The following PHKB variants were observed in gnomAD, a reference collection of about 807,000 sequenced individuals.
PHKB encodes the protein phosphorylase b kinase regulatory subunit beta.
In PHKB, 122 loss-of-function variants were observed where a neutral mutation model predicts 152.1. That is an observed-to-expected ratio of 0.80 (90% confidence interval 0.69 to 0.93). PHKB has a LOEUF of 0.93. PHKB is among the 40% of genes least tolerant of loss of function. The pLI, the probability that PHKB is intolerant of heterozygous loss-of-function variation, is 0.00. For synonymous variants in PHKB, 436 were observed against 464.9 expected (o/e 0.94, Z 0.80); for missense variants, 1,304 against 1,328.4 (o/e 0.98, Z 0.29).
chr16:47,635,269 ATGTT>A (rs2151723208), intron 14 of PHKB, among the ~76,000 whole-genome samples: 1 of 152,240 alleles, frequency 6.6e-6, no homozygotes, highest in Non-Finnish European at 1.5e-5. Flanking sequence ...TAGCTGTATG[ATGTT>A]GGATAAGTTT....
At chr16:47,582,957 C>G (rs1017950013) in intron 8 of PHKB, among the ~76,000 whole-genome samples, 4 of 152,062 alleles carry the variant, frequency 2.6e-5, no homozygotes, top group Non-Finnish European at 5.9e-5. Context: ...CCACCACACC[C>G]GACTAATTTT....
At chr16:47,648,792 A>G (rs1973181409) in intron 17 of PHKB, among the ~76,000 whole-genome samples, 176 bp downstream of exon 17, 1 of 152,208 alleles carries the variant, frequency 6.6e-6, no homozygotes, top group Non-Finnish European at 1.5e-5. Flanking sequence ...TGGAAGTCTT[A>G]TAAATATGAA....
rs769639023 is a variant in PHKB, at chr16:47,478,693, G to A, written c.76+17267G>A. On this transcript the variant is annotated intron_variant, in intron 1 of 30. Transcript: ENST00000323584. ...TAAATAGCTCTCAACAGTACTTTGC[G>A]TGTGGTAAATGCTCTGATATTGTTA... Among the ~76,000 whole-genome samples the A allele has an allele frequency of 5.3e-5, 8 of 151,988 alleles. No homozygotes were observed. The East Asian group carries it at 7.7e-4, about 15-fold the overall frequency.
chr16:47,646,391 GA>G (rs1442527936), intron 16 of PHKB, among the ~76,000 whole-genome samples: 4 of 93,552 alleles, frequency 4.3e-5, no homozygotes, highest in African/African-American at 1.6e-4. Flanking sequence ...GGGGTCGGGG[GA>G]GGGGGGAGGG....
At chr16:47,517,200 G>A (rs1003248661) in intron 6 of PHKB, among the ~76,000 whole-genome samples, 6 of 151,496 alleles carry the variant, frequency 4.0e-5, no homozygotes, top group Non-Finnish European at 7.4e-5. Context: ...TATGATAACC[G>A]TTTACAATTA....
intron 16 of PHKB, among the ~76,000 whole-genome samples, chr16:47,646,657 T>A (rs1973133956): frequency 6.6e-6 from 1 of 150,862 alleles, no homozygotes; most frequent in East Asian, 1.9e-4. Flanking sequence ...TATTTTAATG[T>A]AGTAGTTTAA....
At chr16:47,606,993 T>C (rs1972336767) in intron 13 of PHKB, among the ~76,000 whole-genome samples, 1 of 152,194 alleles carries the variant, frequency 6.6e-6, no homozygotes, top group Non-Finnish European at 1.5e-5. Context: ...GGATGTTGCC[T>C]TCATGTTGGT....
intron 6 of PHKB, among the ~76,000 whole-genome samples, chr16:47,543,423 T>G (rs1413123086): frequency 6.6e-6 from 1 of 152,216 alleles, no homozygotes; most frequent in Admixed American, 6.5e-5. Context: ...TTGAGGATTT[T>G]TGCATCGATG....
intron 1 of PHKB, among the ~76,000 whole-genome samples, chr16:47,472,545 G>A (rs1969788841): frequency 6.6e-6 from 1 of 152,148 alleles, no homozygotes; most frequent in African/African-American, 2.4e-5. Context: ...CACTTTGGGA[G>A]GCCGAGACGG....
chr16:47,603,559 A>T, intron 13 of PHKB, among the ~76,000 whole-genome samples: 1 of 144,842 alleles, frequency 6.9e-6, no homozygotes, highest in Non-Finnish European at 1.5e-5. Context: ...GCTGGTGTGC[A>T]GTGGCACTAT....
Position 47,661,894 on chromosome 16 carries a change from AG to A in PHKB, c.2278+95del. ...ATAAGCTATCCACTAAAATGTTACA[AG>A]TTATTTCCCCTTTCATTAAACCTTC... On this transcript the variant is annotated intron_variant, in intron 23 of 30. Coordinates refer to ENST00000323584, the MANE Select transcript of PHKB (RefSeq NM_000293.3). 4 of 841,982 alleles carry A rather than the reference AG, an allele frequency of 4.8e-6. No homozygotes were observed. The South Asian group carries it at 5.4e-5, about 11-fold the overall frequency. 52.2% of individuals were successfully genotyped at this position (841,982 alleles called of 1,614,324 possible).
intron 1 of PHKB, among the ~76,000 whole-genome samples, chr16:47,465,876 A>G (rs961662042): frequency 1.3e-5 from 2 of 152,194 alleles, no homozygotes; most frequent in Admixed American, 6.5e-5. Context: ...TCATTTGACA[A>G]TTATTTTAAA....
chr16:47,502,183 G>C (rs1309289690), intron 3 of PHKB, among the ~76,000 whole-genome samples: 1 of 152,096 alleles, frequency 6.6e-6, no homozygotes, highest in African/African-American at 2.4e-5. Context: ...TTTTAGTTAA[G>C]ATTAAGTGAA....
At chr16:47,463,045 G>A (rs897302111) in intron 1 of PHKB, 4 of 152,594 alleles carry the variant, frequency 2.6e-5, no homozygotes, top group Non-Finnish European at 4.4e-5. Context: ...TATAAAAAGT[G>A]TTATTGGATT....
At chr16:47,583,221 G>A (rs1971879486) in intron 8 of PHKB, among the ~76,000 whole-genome samples, 1 of 152,144 alleles carries the variant, frequency 6.6e-6, no homozygotes, top group African/African-American at 2.4e-5. Context: ...TTTTTCTGAT[G>A]TGGAGAATTG....
At chr16:47,675,517 ACACTCT>A (rs1274633739) in intron 26 of PHKB, 4,026 of 144,336 alleles carry the variant, frequency 0.028, 64 homozygotes, top group South Asian at 0.042. Flanking sequence ...ACACACACAC[ACACTCT>A]CTCTCTCTCT....
intron 22 of PHKB, 87 bp from the exon 23 acceptor site, chr16:47,661,632 C>T (rs974651481): frequency 2.5e-6 from 2 of 813,712 alleles, no homozygotes; most frequent in Admixed American, 1.8e-5. Context: ...TTCTTCTCTG[C>T]ATCATGTGGT....
At chr16:47,500,664 T>C (rs1395547261) in intron 3 of PHKB, among the ~76,000 whole-genome samples, 1 of 152,072 alleles carries the variant, frequency 6.6e-6, no homozygotes, top group Non-Finnish European at 1.5e-5. Flanking sequence ...GTATCTCTTA[T>C]TAAGTTTGGT....
chr16:47,520,493 C>CTT (rs896238852), intron 6 of PHKB, among the ~76,000 whole-genome samples: 1 of 152,176 alleles, frequency 6.6e-6, no homozygotes, highest in Non-Finnish European at 1.5e-5. Flanking sequence ...AGTAGTCTGA[C>CTT]TCAAGAGTTC....
Sources: allele counts gnomAD v4.1 joint callset (sites outside exome capture counted in the v4.1 genomes callset), GRCh38; gene constraint gnomAD v4.1.1; transcripts MANE v1.5; gene names NCBI Gene and HGNC (gene_info 2026-07-23, HGNC 2026-07-21).